Variants in SDK1 observed in about 807,000 individuals in gnomAD.
SDK1 encodes the protein sidekick cell adhesion molecule 1, also known as protein sidekick-1.
In SDK1, 157 loss-of-function variants were observed where a neutral mutation model predicts 245.5. The ratio of observed to expected loss-of-function variants is 0.64; its 90% CI spans 0.56 to 0.73. The LOEUF (loss-of-function observed/expected upper bound fraction) is 0.73, where lower values mean the gene tolerates loss of function less well. SDK1 is among the 30% of genes least tolerant of loss of function. The pLI, the probability that SDK1 is intolerant of heterozygous loss-of-function variation, is 0.00. For missense variants in SDK1, 3,583 were observed against 3,002.3 expected (o/e 1.19, Z -4.52); for synonymous variants, 1,647 against 1,278.5 (o/e 1.29, Z -6.15).
At chr7:4,024,155 AAG>A (rs1211202611) in intron 17 of SDK1, among the ~76,000 whole-genome samples, 6 of 152,354 alleles carry the variant, frequency 3.9e-5, no homozygotes, top group African/African-American at 1.4e-4. Flanking sequence ...CTTATAATGA[AAG>A]AGAAATATTT....
intron 1 of SDK1, among the ~76,000 whole-genome samples, chr7:3,499,807 A>C (rs1012157984): frequency 6.6e-6 from 1 of 152,192 alleles, no homozygotes; most frequent in Non-Finnish European, 1.5e-5. Context: ...GGTCCTGGGA[A>C]ACACAGGGCT....
chr7:4,195,096 A>T (rs1240122991), intron 35 of SDK1, among the ~76,000 whole-genome samples: 1 of 152,232 alleles, frequency 6.6e-6, no homozygotes, highest in African/African-American at 2.4e-5. Flanking sequence ...TTTAATTGAC[A>T]TATAATAATC....
intron 13 of SDK1, among the ~76,000 whole-genome samples, chr7:3,984,461 A>C (rs1783662325): frequency 6.6e-6 from 1 of 152,172 alleles, no homozygotes; most frequent in Non-Finnish European, 1.5e-5. Context: ...TAGAATTTAG[A>C]ATTCGATCAA....
chr7:3,352,371 ATTGT>A (rs1022682474), intron 1 of SDK1, among the ~76,000 whole-genome samples: 1 of 152,044 alleles, frequency 6.6e-6, no homozygotes, highest in South Asian at 2.1e-4. Flanking sequence ...TAGGAAAGTA[ATTGT>A]TTGAGCTAAA....
Position 3,579,862 on chromosome 7 carries a change from G to C in SDK1, c.299-39218G>C, listed in dbSNP as rs368858222. Among the ~76,000 whole-genome samples the C allele has an allele frequency of 3.0e-4, 45 of 152,322 alleles. 1 individual carries two copies. The highest frequency in any genetic ancestry group is 6.8e-3 in the Middle Eastern group (2 of 294). On this transcript the variant is annotated intron_variant, in intron 1 of 44. Coordinates refer to ENST00000404826, the MANE Select transcript of SDK1 (RefSeq NM_152744.4). ...ATTCTACATAAAAAAACTGGGTAAAGTCTGCCACACCCAGAGGTGCCTTGG... is the reference window on the plus strand; with the variant it reads ...ATTCTACATAAAAAAACTGGGTAAACTCTGCCACACCCAGAGGTGCCTTGG...
chr7:3,637,394 G>C (rs1353426021), intron 2 of SDK1, among the ~76,000 whole-genome samples: 2 of 152,178 alleles, frequency 1.3e-5, no homozygotes, highest in Non-Finnish European at 2.9e-5. Context: ...ACCACGTCTG[G>C]CCTCTCCTGT....
intron 1 of SDK1, among the ~76,000 whole-genome samples, chr7:3,473,636 C>T (rs1050739954): frequency 2.6e-5 from 4 of 151,994 alleles, no homozygotes; most frequent in Non-Finnish European, 5.9e-5. Flanking sequence ...TTCATGACTA[C>T]CTTTTATTTC....
At chr7:3,574,221 A>G (rs904662043) in intron 1 of SDK1, among the ~76,000 whole-genome samples, 1 of 151,692 alleles carries the variant, frequency 6.6e-6, no homozygotes, top group Non-Finnish European at 1.5e-5. Flanking sequence ...GATTCAAGCA[A>G]TTCTCCTGTC....
In SDK1 at chr7:3,327,432, C is replaced by T. The variant is rs59719823; in HGVS notation, c.298+25548C>T. Among the ~76,000 whole-genome samples the T allele has an allele frequency of 1.8e-4, 27 of 151,996 alleles. No homozygotes were observed. The South Asian group carries it at 4.8e-3, about 27-fold the overall frequency. ...TTTATATACAGCTGCTGGAAGCAAG[C>T]GACTGGTTTTGTGATTAAAATGATG... is the stretch of plus-strand genomic sequence containing the variant. On this transcript the variant is annotated intron_variant, in intron 1 of 44. Transcript: ENST00000404826.
chr7:3,761,804 C>T (rs112834899), intron 4 of SDK1, among the ~76,000 whole-genome samples: 1,567 of 152,046 alleles, frequency 0.01, 23 homozygotes, highest in African/African-American at 0.036. Context: ...AAACTGACAA[C>T]AAAAATCATA....
At chr7:4,171,040 C>A (rs746199794) in intron 32 of SDK1, among the ~76,000 whole-genome samples, 1 of 152,226 alleles carries the variant, frequency 6.6e-6, no homozygotes, top group African/African-American at 2.4e-5. Flanking sequence ...CAGCTTTCAG[C>A]TTCCCAAACT....
At chr7:3,360,699 A>G (rs1321588310) in intron 1 of SDK1, among the ~76,000 whole-genome samples, 2 of 152,150 alleles carry the variant, frequency 1.3e-5, no homozygotes, top group Non-Finnish European at 2.9e-5. Context: ...TATCCCAACC[A>G]CCTGGTCTGT....
intron 30 of SDK1, among the ~76,000 whole-genome samples, chr7:4,151,594 A>G (rs1780386361): frequency 6.6e-6 from 1 of 152,060 alleles, no homozygotes; most frequent in South Asian, 2.1e-4. Flanking sequence ...CAGCTTCCAG[A>G]CAGTTAAAGC....
At chr7:4,186,678 C>A (rs116639438) in intron 35 of SDK1, among the ~76,000 whole-genome samples, 6 of 152,118 alleles carry the variant, frequency 3.9e-5, no homozygotes, top group African/African-American at 1.4e-4. Flanking sequence ...GTAGAGCCCC[C>A]CGCTGCTCCA....
chr7:3,321,809 C>CTTCCTTCT (rs1554257348), intron 1 of SDK1, among the ~76,000 whole-genome samples: 4 of 126,942 alleles, frequency 3.2e-5, no homozygotes, highest in African/African-American at 1.3e-4. Flanking sequence ...TCCTTCCTTC[C>CTTCCTTCT]TTCCTTCCTT....
At chr7:3,806,254 C>T (rs116263005) in intron 4 of SDK1, among the ~76,000 whole-genome samples, 2,790 of 151,994 alleles carry the variant, frequency 0.018, 92 homozygotes, top group African/African-American at 0.061. Context: ...TGCAAAGTCC[C>T]TTTCCCATGT....
chr7:4,250,853 A>C (rs1787247552), intron 44 of SDK1, among the ~76,000 whole-genome samples: 2 of 152,176 alleles, frequency 1.3e-5, no homozygotes, highest in Admixed American at 1.3e-4. Context: ...AATGGTTTTT[A>C]GTATTTTCAG....
chr7:4,208,216 A>T lies in SDK1; in HGVS notation c.5332A>T (p.Ile1778Leu), dbSNP rs745688949. ...CAGCCATACCAAGTACCTGGTCAGC[A>T]TATCAGCCTTCAACGCCGCCGGAGA... ...LTSHTKYLVS[I>L]SAFNAAGDGP... The change falls in exon 37 of 45, where the codon ATA becomes TTA. Residue 1778 changes from isoleucine (I) to leucine (L), a missense_variant. Transcript: ENST00000404826. 2.5e-6 allele frequency: 4 copies of T among 1,613,986 alleles called. No individual in the cohort carries two copies. Among genetic ancestry groups the T allele is most frequent in the Non-Finnish European group, 3.4e-6 (4 of 1,180,018 alleles).
chr7:3,844,988 C>G (rs970535162), intron 5 of SDK1, among the ~76,000 whole-genome samples: 5 of 152,180 alleles, frequency 3.3e-5, no homozygotes, highest in African/African-American at 9.7e-5. Context: ...TGTCATCACA[C>G]AAGAGACAGA....
Sources: allele counts gnomAD v4.1 joint callset (sites outside exome capture counted in the v4.1 genomes callset), GRCh38; gene constraint gnomAD v4.1.1; transcripts MANE v1.5; gene names NCBI Gene and HGNC (gene_info 2026-07-23, HGNC 2026-07-21).